Variants in REDIC1 observed in about 807,000 individuals in gnomAD.
REDIC1 encodes the protein regulator of DNA class I crossover intermediates 1.
the REDIC1 span, among the ~76,000 whole-genome samples, chr12:39,674,804 G>A: frequency 2.0e-5 from 3 of 152,200 alleles, no homozygotes; most frequent in Admixed American, 2.0e-4. Context: ...CTTGGGGAAG[G>A]TACCCAGTGG....
chr12:39,726,459 AG>A, the REDIC1 span, among the ~76,000 whole-genome samples: 1 of 152,090 alleles, frequency 6.6e-6, no homozygotes. Context: ...GATGGTTTGA[AG>A]CTTCATCCAT....
At chr12:39,886,692 T>C in the REDIC1 span, among the ~76,000 whole-genome samples, 5 of 152,222 alleles carry the variant, frequency 3.3e-5, no homozygotes, top group Non-Finnish European at 7.3e-5. Context: ...AATGCCCTTT[T>C]CATTTCCTGT....
the REDIC1 span, among the ~76,000 whole-genome samples, chr12:39,661,009 A>G: frequency 6.6e-6 from 1 of 152,102 alleles, no homozygotes; most frequent in Non-Finnish European, 1.5e-5. Context: ...ATGGATGGAT[A>G]GTATTCTGTT....
the REDIC1 span, among the ~76,000 whole-genome samples, chr12:39,741,873 C>T: frequency 1.3e-5 from 2 of 152,200 alleles, no homozygotes; most frequent in Non-Finnish European, 2.9e-5. Flanking sequence ...TCAGCCACAA[C>T]ATACTGGGTC....
At chr12:39,693,375 A>G in the REDIC1 span, among the ~76,000 whole-genome samples, 30 of 150,596 alleles carry the variant, frequency 2.0e-4, 1 homozygote, top group East Asian at 5.2e-3. Context: ...TCTGGTTTCT[A>G]TCCTTATCCT....
chr12:39,734,908 G>A, the REDIC1 span, among the ~76,000 whole-genome samples: 4 of 152,140 alleles, frequency 2.6e-5, no homozygotes, highest in Non-Finnish European at 5.9e-5. Flanking sequence ...GTGTTGACTC[G>A]CTATCTCAAT....
At chr12:39,667,633 G>A in the REDIC1 span, among the ~76,000 whole-genome samples, 1 of 152,124 alleles carries the variant, frequency 6.6e-6, no homozygotes, top group Non-Finnish European at 1.5e-5. Context: ...TTAACTTTCT[G>A]TCTCATTGAT....
the REDIC1 span, chr12:39,646,935 A>G: frequency 5.8e-6 from 7 of 1,213,938 alleles, no homozygotes; most frequent in African/African-American, 1.5e-5. Context: ...CAATTGTGAT[A>G]TGCTACCTAA....
At chr12:39,703,387 G>A in the REDIC1 span, among the ~76,000 whole-genome samples, 1 of 149,834 alleles carries the variant, frequency 6.7e-6, no homozygotes, top group Non-Finnish European at 1.5e-5. Flanking sequence ...GGGATGTGAA[G>A]GACCTCTTCA....
the REDIC1 span, among the ~76,000 whole-genome samples, chr12:39,650,553 A>G: frequency 6.6e-6 from 1 of 152,222 alleles, no homozygotes; most frequent in East Asian, 1.9e-4. This position sits in a 1 kb window ranked among gnomAD's most constrained non-coding sequence, Gnocchi z 4.3. Context: ...ATGAACATCT[A>G]CCTTTCATTT....
At chr12:39,644,962 A>G in the REDIC1 span, among the ~76,000 whole-genome samples, 1 of 151,952 alleles carries the variant, frequency 6.6e-6, no homozygotes, top group Non-Finnish European at 1.5e-5. Flanking sequence ...GAAAAAGTGG[A>G]TGGTCCTCAA....
chr12:39,736,223 T>C, the REDIC1 span, among the ~76,000 whole-genome samples: 2 of 152,222 alleles, frequency 1.3e-5, no homozygotes, highest in Non-Finnish European at 2.9e-5. Flanking sequence ...GATTACAGAA[T>C]TTTTATGGAC....
At chr12:39,904,865 C>T in the REDIC1 span, among the ~76,000 whole-genome samples, 1 of 152,122 alleles carries the variant, frequency 6.6e-6, no homozygotes, top group African/African-American at 2.4e-5. Flanking sequence ...CCTGGATGAA[C>T]AGGTCTTCTG....
the REDIC1 span, among the ~76,000 whole-genome samples, chr12:39,853,242 C>T: frequency 1.3e-5 from 2 of 152,114 alleles, no homozygotes; most frequent in East Asian, 3.9e-4. Context: ...GGGTTCAGGG[C>T]TTGATATCCT....
chr12:39,792,811 A>AG, the REDIC1 span, among the ~76,000 whole-genome samples: 6 of 151,146 alleles, frequency 4.0e-5, no homozygotes, highest in Non-Finnish European at 7.4e-5. Context: ...ATGAAAAAAA[A>AG]AAACCCCACA....
chr12:39,761,613 A>T, the REDIC1 span, among the ~76,000 whole-genome samples: 14 of 76,734 alleles, frequency 1.8e-4, no homozygotes, highest in South Asian at 5.8e-4. Context: ...TAGCTCTTGG[A>T]GAATGGGGGA....
At chr12:39,651,544 C>G in the REDIC1 span, among the ~76,000 whole-genome samples, 1 of 152,058 alleles carries the variant, frequency 6.6e-6, no homozygotes, top group African/African-American at 2.4e-5. Flanking sequence ...CCTTCCTTTC[C>G]TTCAACTCTC....
At chr12:39,761,671 T>C in the REDIC1 span, among the ~76,000 whole-genome samples, 2 of 151,914 alleles carry the variant, frequency 1.3e-5, no homozygotes, top group Non-Finnish European at 2.9e-5. Context: ...GTGTTCTGAG[T>C]ACAGATATGC....
the REDIC1 span, among the ~76,000 whole-genome samples, chr12:39,673,724 A>G: frequency 6.6e-6 from 1 of 152,220 alleles, no homozygotes; most frequent in Non-Finnish European, 1.5e-5. Flanking sequence ...TGACCAAACT[A>G]TCTGAAACAC....
Sources: allele counts gnomAD v4.1 joint callset (sites outside exome capture counted in the v4.1 genomes callset), GRCh38; gene constraint gnomAD v4.1.1; non-coding constraint Gnocchi (gnomAD v3.1); transcripts MANE v1.5; gene names NCBI Gene and HGNC (gene_info 2026-07-23, HGNC 2026-07-21).